Variants in ASAH1 observed in about 807,000 individuals in gnomAD.
ASAH1 encodes N-acylsphingosine amidohydrolase 1.
A neutral mutation model predicts 59.5 loss-of-function variants in ASAH1; 70 were observed. The observed-to-expected ratio is 1.18, with a 90% CI of 0.97 to 1.43. The LOEUF is 1.43. ASAH1 is among the 40% of genes most tolerant of loss of function. ASAH1 has a pLI of 0.00. For missense variants in ASAH1, 660 were observed against 482.5 expected, an observed-to-expected ratio of 1.37 and a Z score of -3.45; for synonymous variants, 213 against 166.5, an observed-to-expected ratio of 1.28 and a Z score of -2.15.
intron 1 of ASAH1, among the ~76,000 whole-genome samples, chr8:18,081,972 TAAAAC>T (rs893359043): frequency 3.9e-5 from 6 of 152,240 alleles, no homozygotes; most frequent in Non-Finnish European, 7.3e-5. Flanking sequence ...ATGGAGATGT[TAAAAC>T]AAAACAAATT....
chr8:18,057,566 G>T lies in ASAH1; in HGVS notation c.1156C>A (p.Arg386=), dbSNP rs773025886. ...VTKGQFETYL[R]DCPDPCIGW ...CCTATACAAGGGTCAGGGCAGTCCC[G>T]CAGGTAAGTTTCGAATTGACCTTTG... Residue 386 remains arginine (R), a synonymous_variant, in exon 14 of 14, where the codon CGG becomes AGG. Transcript: ENST00000637790. 2 of 1,603,484 alleles carry T rather than the reference G, an allele frequency of 1.2e-6. No individual in the cohort carries two copies. The highest frequency in any genetic ancestry group is 2.3e-5 in the East Asian group (1 of 44,260).
At chr8:18,082,315 A>C (rs956083259) in intron 1 of ASAH1, among the ~76,000 whole-genome samples, 4 of 152,242 alleles carry the variant, frequency 2.6e-5, no homozygotes, top group Non-Finnish European at 2.9e-5. Context: ...AACAGCCTCC[A>C]ACACCTGAAA....
At chr8:18,077,794 T>G (rs1309264096) in intron 1 of ASAH1, among the ~76,000 whole-genome samples, 1 of 152,248 alleles carries the variant, frequency 6.6e-6, no homozygotes, top group East Asian at 1.9e-4. Context: ...TTATAGGGGT[T>G]GCAACTTAAT....
chr8:18,067,332 C>CATA (rs1271157504), intron 4 of ASAH1, 34 bp from the exon 5 acceptor site: 2 of 1,303,500 alleles, frequency 1.5e-6, no homozygotes, highest in Non-Finnish European at 2.1e-6. Context: ...AAGCATTTAA[C>CATA]ATAATAACAA....
intron 1 of ASAH1, among the ~76,000 whole-genome samples, chr8:18,079,352 T>G (rs1800553564): frequency 6.6e-6 from 1 of 151,972 alleles, no homozygotes; most frequent in South Asian, 2.1e-4. Context: ...CTAATTTTTC[T>G]GGTTATTTGA....
intron 3 of ASAH1, 46 bp downstream of exon 3, chr8:18,071,254 A>AAAATT: frequency 1.1e-6 from 1 of 902,190 alleles, no homozygotes; most frequent in Non-Finnish European, 1.4e-6. Flanking sequence ...GAAATAAAAT[A>AAAATT]AAAAATAAAA....
intron 1 of ASAH1, chr8:18,076,105 C>A: frequency 5.9e-6 from 1 of 170,846 alleles, no homozygotes; most frequent in Non-Finnish European, 1.3e-5. Context: ...TACGCAGGCA[C>A]TTCCTATCAT....
At chr8:18,064,742 GGC>G in intron 5 of ASAH1, 1 of 540,042 alleles carries the variant, frequency 1.9e-6, no homozygotes, top group African/African-American at 1.9e-5. Context: ...GCAGCCTTCG[GGC>G]GAGCTGAACA....
rs749539664 is a variant in ASAH1, at chr8:18,083,931, G to C, written c.78+50C>G. On this transcript the variant is annotated intron_variant, in intron 1 of 13. Coordinates refer to ENST00000637790, the MANE Select transcript of ASAH1 (RefSeq NM_177924.5). The stretch of plus-strand genomic sequence containing the variant: ...CGCCGCCACACCTGCGCCTCCATCC[G>C]CGCCCGCACCTGCACGCCCCTCTCT... The C allele has an allele frequency of 1.6e-5, 25 of 1,569,706 alleles. No homozygotes were observed. The East Asian group carries it at 5.8e-4, about 36-fold the overall frequency.
intron 7 of ASAH1, 90 bp from the exon 8 acceptor site, chr8:18,062,513 T>G: frequency 7.1e-7 from 1 of 1,402,966 alleles, no homozygotes; most frequent in Admixed American, 1.7e-5. Flanking sequence ...CACTAGGAGC[T>G]TTATTTACCG....
At chr8:18,071,270 GAAAT>G in intron 3 of ASAH1, 26 bp downstream of exon 3, 2 of 1,123,440 alleles carry the variant, frequency 1.8e-6, no homozygotes, top group Non-Finnish European at 2.4e-6. Context: ...TAAAAATAAA[GAAAT>G]AAAAGATTTA....
chr8:18,066,162 A>T (rs911827554), intron 5 of ASAH1: 6 of 152,106 alleles, frequency 3.9e-5, no homozygotes, highest in African/African-American at 1.4e-4. Flanking sequence ...GTAGGCCAAG[A>T]TTCCTTAAAT....
chr8:18,075,752 T>C, intron 1 of ASAH1, 165 bp from the exon 2 acceptor site: 2 of 648,836 alleles, frequency 3.1e-6, no homozygotes, highest in East Asian at 5.5e-5. Flanking sequence ...AGAAAACTTC[T>C]AAAATCCTAA....
intron 2 of ASAH1, among the ~76,000 whole-genome samples, chr8:18,075,324 G>A (rs1044635395): frequency 1.3e-5 from 2 of 152,160 alleles, no homozygotes; most frequent in Non-Finnish European, 2.9e-5. Flanking sequence ...GATTTTGATA[G>A]TCTAGCGACG....
rs147353548 is a variant in ASAH1 at position 18,073,618 on chromosome 8, A to G, written c.125+1923T>C. On this transcript the variant is annotated intron_variant, in intron 2 of 13. Transcript: ENST00000637790. The stretch of plus-strand genomic sequence containing the variant: ...TCTGGCTATCAGTTCCTTTATCTTC[A>G]GCATTGATTTGACTAGTCATGCTGG... Among the ~76,000 whole-genome samples, 43 of 152,332 alleles carry G rather than the reference A, an allele frequency of 2.8e-4. 1 individual carries two copies. The East Asian group carries it at 5.6e-3, about 20-fold the overall frequency.
intron 6 of ASAH1, chr8:18,063,758 C>T (rs941809260): frequency 3.8e-5 from 6 of 156,432 alleles, no homozygotes; most frequent in Admixed American, 2.5e-4. Context: ...TCTGAGAGCA[C>T]GGGTTTCCAG....
intron 12 of ASAH1, 180 bp downstream of exon 12, chr8:18,059,161 T>G: frequency 1.1e-6 from 1 of 935,308 alleles, no homozygotes; most frequent in Non-Finnish European, 1.6e-6. Context: ...AAAAGGAAAG[T>G]ACAGCACAAT....
At chr8:18,072,832 T>G (rs1017139849) in intron 2 of ASAH1, among the ~76,000 whole-genome samples, 2 of 152,152 alleles carry the variant, frequency 1.3e-5, no homozygotes, top group African/African-American at 2.4e-5. Flanking sequence ...GATAACTCAG[T>G]GGCCTGTTGG....
At chr8:18,071,935 C>T (rs377004251) in intron 2 of ASAH1, among the ~76,000 whole-genome samples, 9 of 152,338 alleles carry the variant, frequency 5.9e-5, no homozygotes, top group African/African-American at 2.2e-4. Flanking sequence ...TCCTAATCTT[C>T]CCTACTATAT....
Sources: gnomAD v4.1 joint callset for allele counts (sites outside exome capture counted in the v4.1 genomes callset) on GRCh38, gnomAD v4.1.1 for gene constraint, MANE v1.5 for transcripts, NCBI Gene and HGNC (gene_info 2026-07-23, HGNC 2026-07-21) for gene names.